Variants in SMAD3 observed in about 807,000 individuals in gnomAD.
The protein encoded by SMAD3 is MAD homolog 3.
Under a neutral mutation model 51.8 loss-of-function variants are expected in SMAD3, and 12 were observed. The observed-to-expected ratio is 0.23, with a 90% CI of 0.15 to 0.38. The LOEUF is 0.38. Among genes scored for constraint, SMAD3 ranks in the 10% least tolerant of loss-of-function variants. SMAD3 has a pLI of 1.00. For synonymous variants in SMAD3, 238 were observed against 227.7 expected (o/e 1.05, Z -0.41); for missense variants, 294 against 565.6 (o/e 0.52, Z 4.87).
chr15:67,160,970 AT>A (rs1326142225), intron 1 of SMAD3, among the ~76,000 whole-genome samples: 18 of 148,876 alleles, frequency 1.2e-4, no homozygotes, highest in East Asian at 2.0e-4. Context: ...ATGCGGTCTG[AT>A]TTTTTTTTTA....
intron 1 of SMAD3, chr15:67,138,146 G>A (rs541772921): frequency 9.9e-6 from 14 of 1,420,046 alleles, no homozygotes; most frequent in South Asian, 4.9e-5. Flanking sequence ...TCTTGAACTC[G>A]TCTCCCCACC....
Position 67,065,650 on chromosome 15 carries a change from G to C in SMAD3, c.-505G>C, listed in dbSNP as rs1172789501. Among the ~76,000 whole-genome samples the C allele has an allele frequency of 6.6e-6, 1 of 151,676 alleles. No homozygotes were observed. The highest frequency in any genetic ancestry group is 2.0e-4 in the East Asian group (1 of 5,124). On this transcript the variant is annotated 5_prime_UTR_variant, in exon 1 of 9. Coordinates refer to ENST00000327367, the MANE Select transcript of SMAD3 (RefSeq NM_005902.4). The stretch of plus-strand genomic sequence containing the variant: ...GGAGCGGGAGCGCGGCGCACGCCCC[G>C]GGCCGGCCCAGCCAGCGAGCGAGCG...
At chr15:67,069,842 A>G (rs1466120221) in intron 1 of SMAD3, among the ~76,000 whole-genome samples, 17 of 152,030 alleles carry the variant, frequency 1.1e-4, no homozygotes, top group Non-Finnish European at 4.4e-5. Flanking sequence ...AGTAGCTGGG[A>G]TTACAGGCGC....
Position 67,112,774 on chromosome 15 carries a change from C to T in SMAD3, c.206+46414C>T, listed in dbSNP as rs1157354866. On this transcript the variant is annotated intron_variant, in intron 1 of 8. Transcript: ENST00000327367. ...TCTTCTAAGAGTTTTATAATTTTAG[C>T]TCTTATATTTAGGTCTTTGATCCAT... is the stretch of plus-strand genomic sequence containing the variant. Among the ~76,000 whole-genome samples the T allele has an allele frequency of 1.5e-5, 2 of 131,890 alleles. 1 individual carries two copies. Among genetic ancestry groups the T allele is most frequent in the Admixed American group, 1.7e-4 (2 of 12,002 alleles). 86.5% of individuals were successfully genotyped at this position (131,890 alleles called of 152,430 possible). A position where few individuals can be genotyped will look rare whatever the true frequency, so the allele number is the denominator to read the frequency against.
intron 1 of SMAD3, among the ~76,000 whole-genome samples, chr15:67,111,695 T>C (rs1012334595): frequency 6.6e-6 from 1 of 152,240 alleles, no homozygotes; most frequent in African/African-American, 2.4e-5. Flanking sequence ...TTCTAGTGGA[T>C]GTGAGGTGGT....
intron 8 of SMAD3, among the ~76,000 whole-genome samples, chr15:67,188,064 A>G (rs1963265874): frequency 6.6e-6 from 1 of 151,344 alleles, no homozygotes; most frequent in Non-Finnish European, 1.5e-5. Context: ...GGAGGAGGAG[A>G]TTTGGGTAGT....
intron 5 of SMAD3, among the ~76,000 whole-genome samples, chr15:67,179,618 T>G (rs1047473564): frequency 2.0e-5 from 3 of 152,088 alleles, no homozygotes; most frequent in Non-Finnish European, 4.4e-5. Context: ...GCACCTAGAC[T>G]CCAAAAGGGG....
chr15:67,143,968 C>CTT (rs60425554), intron 1 of SMAD3, among the ~76,000 whole-genome samples: 7 of 145,282 alleles, frequency 4.8e-5, no homozygotes, highest in Non-Finnish European at 6.1e-5. Context: ...TGTGCCCTGC[C>CTT]TTTTTTTTTT....
chr15:67,066,925 G>A (rs910667263), intron 1 of SMAD3, among the ~76,000 whole-genome samples: 7 of 152,214 alleles, frequency 4.6e-5, no homozygotes, highest in Non-Finnish European at 8.8e-5. Context: ...TTCGGGATTA[G>A]CATTTTTATC....
intron 1 of SMAD3, among the ~76,000 whole-genome samples, chr15:67,156,395 C>G (rs1962283885): frequency 6.6e-6 from 1 of 152,170 alleles, no homozygotes; most frequent in African/African-American, 2.4e-5. Context: ...GGTAGGTTGT[C>G]CTTCTGAAAT....
At chr15:67,152,405 C>G (rs953547005) in intron 1 of SMAD3, among the ~76,000 whole-genome samples, 12 of 152,144 alleles carry the variant, frequency 7.9e-5, no homozygotes, top group Non-Finnish European at 1.3e-4. Flanking sequence ...GGCCTGCTGC[C>G]GAGCGAGAGG....
intron 1 of SMAD3, among the ~76,000 whole-genome samples, chr15:67,163,944 T>TAAAAA (rs57803788): frequency 4.5e-5 from 4 of 87,914 alleles, no homozygotes; most frequent in African/African-American, 1.4e-4. Flanking sequence ...GTATCAAAAG[T>TAAAAA]AAAAAAAAAA....
chr15:67,073,836 G>A (rs1379907420), intron 1 of SMAD3, among the ~76,000 whole-genome samples: 3 of 152,130 alleles, frequency 2.0e-5, no homozygotes, highest in Non-Finnish European at 2.9e-5. Context: ...CACCACACCC[G>A]GCTAATTTTG....
chr15:67,114,674 A>G (rs922952834), intron 1 of SMAD3, among the ~76,000 whole-genome samples: 3 of 152,194 alleles, frequency 2.0e-5, no homozygotes, highest in Non-Finnish European at 2.9e-5. Context: ...TCCAACCCAG[A>G]GAATCTTGAC....
chr15:67,164,653 C>G (rs1388797406), intron 1 of SMAD3, among the ~76,000 whole-genome samples: 4 of 152,182 alleles, frequency 2.6e-5, no homozygotes, highest in Non-Finnish European at 5.9e-5. Context: ...GGGAACCCAC[C>G]GGGGACTGGT....
chr15:67,075,070 G>A (rs1324725669), intron 1 of SMAD3, among the ~76,000 whole-genome samples: 1 of 151,062 alleles, frequency 6.6e-6, no homozygotes, highest in Non-Finnish European at 1.5e-5. Context: ...TTTTGGGTGT[G>A]TGTTTTTTAA....
intron 6 of SMAD3, among the ~76,000 whole-genome samples, chr15:67,184,338 C>T (rs1209546632): frequency 4.6e-5 from 7 of 152,176 alleles, no homozygotes; most frequent in Non-Finnish European, 8.8e-5. Context: ...AACTCCTGGC[C>T]TCAAGTGATC....
At chr15:67,180,641 C>T (rs557008860) in intron 5 of SMAD3, among the ~76,000 whole-genome samples, 4 of 151,736 alleles carry the variant, frequency 2.6e-5, no homozygotes, top group South Asian at 2.1e-4. Flanking sequence ...CAACATGGGG[C>T]GCTGTTGGGA....
chr15:67,138,856 T>C (rs746493617), intron 1 of SMAD3, among the ~76,000 whole-genome samples: 20 of 152,224 alleles, frequency 1.3e-4, no homozygotes, highest in Non-Finnish European at 2.5e-4. Flanking sequence ...TTGGTTGACT[T>C]GATCAGGGAA....
Sources: allele counts gnomAD v4.1 joint callset (sites outside exome capture counted in the v4.1 genomes callset), GRCh38; gene constraint gnomAD v4.1.1; transcripts MANE v1.5; gene names NCBI Gene and HGNC (gene_info 2026-07-23, HGNC 2026-07-21).